Variants in FRY observed in about 807,000 individuals in gnomAD.
The protein encoded by FRY is FRY microtubule binding protein.
Under a neutral mutation model 348.4 loss-of-function variants are expected in FRY, and 128 were observed. The ratio of observed to expected loss-of-function variants is 0.37; its 90% confidence interval spans 0.32 to 0.43. The LOEUF (loss-of-function observed/expected upper bound fraction) is 0.43. Ranked by LOEUF, FRY falls within the 20% of genes least tolerant of loss-of-function variation. FRY has a pLI of 1.00. For synonymous variants in FRY, 1,370 were observed against 1,374.7 expected (o/e 1.00, Z 0.08); for missense variants, 2,736 against 3,695.2 (o/e 0.74, Z 6.73).
rs190667374 is a variant in FRY, at chr13:32,201,844, C to T, written c.3747-97C>T. 5.4e-5 allele frequency: 42 copies of T among 781,672 alleles called. 1 individual carries two copies. The highest frequency in any genetic ancestry group is 9.6e-5 in the South Asian group (7 of 72,552). The allele number at this position is 781,672 out of a possible 1,614,324, so 48.4% of individuals were successfully genotyped here. A position where few individuals can be genotyped will look rare whatever the true frequency, so the allele number is the denominator to read the frequency against. ...GGTAAGAATGTCACTAATAAGTGAC[C>T]GAGGTCAGCATGCCAGCTAGAATTT... On this transcript the variant is annotated intron_variant, in intron 29 of 60. Coordinates refer to ENST00000542859, the MANE Select transcript of FRY (RefSeq NM_023037.3).
chr13:32,114,067 C>T (rs891849714), intron 3 of FRY, among the ~76,000 whole-genome samples: 1 of 152,112 alleles, frequency 6.6e-6, no homozygotes, highest in Non-Finnish European at 1.5e-5. Context: ...ATGGGGGTTC[C>T]ACATACATGA....
intron 1 of FRY, among the ~76,000 whole-genome samples, chr13:32,048,238 G>A (rs1248746959): frequency 6.6e-6 from 1 of 152,130 alleles, no homozygotes; most frequent in Non-Finnish European, 1.5e-5. Context: ...CCCCTCAGTG[G>A]ATGAGCACCC....
chr13:32,133,764 C>CTTTTTTTT (rs1259372646), intron 8 of FRY, among the ~76,000 whole-genome samples: 34 of 108,462 alleles, frequency 3.1e-4, no homozygotes, highest in Non-Finnish European at 5.3e-4. Context: ...TTCTTTCTTT[C>CTTTTTTTT]TTTCTTTTTT....
intron 29 of FRY, among the ~76,000 whole-genome samples, chr13:32,194,854 C>T (rs1883579343): frequency 6.6e-6 from 1 of 152,130 alleles, no homozygotes; most frequent in African/African-American, 2.4e-5. Flanking sequence ...AAGTTCATAG[C>T]TACCAAGAAA....
intron 2 of FRY, chr13:32,086,030 G>A: frequency 1.9e-6 from 1 of 516,402 alleles, no homozygotes; most frequent in South Asian, 1.4e-5. Flanking sequence ...TGAAGACCTA[G>A]GCGGTAAAAC....
chr13:32,141,784 G>T (rs1474301905), intron 11 of FRY, among the ~76,000 whole-genome samples: 1 of 152,092 alleles, frequency 6.6e-6, no homozygotes, highest in African/African-American at 2.4e-5. Context: ...TTAATTAAAA[G>T]CAAAATTTAA....
chr13:32,069,150 C>T (rs987217155), intron 1 of FRY, among the ~76,000 whole-genome samples: 4 of 152,014 alleles, frequency 2.6e-5, no homozygotes, highest in African/African-American at 9.7e-5. Flanking sequence ...CTCCTGACCT[C>T]GTGATCCACC....
At chr13:32,105,605 G>T (rs188955049) in intron 3 of FRY, among the ~76,000 whole-genome samples, 88 of 152,318 alleles carry the variant, frequency 5.8e-4, no homozygotes, top group Non-Finnish European at 8.8e-5. Context: ...TGCCACAGAA[G>T]TCTGTCTATG....
intron 2 of FRY, among the ~76,000 whole-genome samples, chr13:32,096,742 G>A (rs1040957689): frequency 1.9e-4 from 28 of 146,030 alleles, no homozygotes; most frequent in Admixed American, 1.5e-3. Flanking sequence ...GGCAGAGGCG[G>A]CAGTGAGCTG....
At chr13:32,287,252 A>G (rs1308383899) in intron 58 of FRY, among the ~76,000 whole-genome samples, 2 of 152,172 alleles carry the variant, frequency 1.3e-5, no homozygotes, top group Non-Finnish European at 2.9e-5. Flanking sequence ...CATATCTCAC[A>G]CTTGTTTGAG....
intron 55 of FRY, among the ~76,000 whole-genome samples, chr13:32,272,015 A>T (rs1296534515): frequency 6.6e-6 from 1 of 152,210 alleles, no homozygotes; most frequent in African/African-American, 2.4e-5. Flanking sequence ...ATAATAATAT[A>T]ATAATTTTTT....
intron 57 of FRY, among the ~76,000 whole-genome samples, chr13:32,277,976 A>C (rs1186464901): frequency 2.0e-5 from 3 of 152,228 alleles, no homozygotes; most frequent in Non-Finnish European, 4.4e-5. Flanking sequence ...AGGATCTCTC[A>C]GTAGCTGAGC....
At chr13:32,212,514 C>T in intron 35 of FRY, 132 bp downstream of exon 35, 1 of 675,054 alleles carries the variant, frequency 1.5e-6, no homozygotes, top group Non-Finnish European at 2.7e-6. Context: ...TTTAGAAACT[C>T]AGACTTACTT....
intron 14 of FRY, among the ~76,000 whole-genome samples, chr13:32,152,934 A>C (rs1283474430): frequency 1.3e-5 from 2 of 152,140 alleles, no homozygotes; most frequent in Admixed American, 6.6e-5. Context: ...CCAATTTTTT[A>C]AATGGGCAGA....
At chr13:32,046,105 C>A (rs965941546) in intron 1 of FRY, among the ~76,000 whole-genome samples, 6 of 152,262 alleles carry the variant, frequency 3.9e-5, no homozygotes, top group Middle Eastern at 6.8e-3. Flanking sequence ...CCAAACAAGG[C>A]CCTTGTTTTA....
At chr13:32,140,883 G>C (rs1880022066) in intron 11 of FRY, among the ~76,000 whole-genome samples, 2 of 152,032 alleles carry the variant, frequency 1.3e-5, no homozygotes, top group African/African-American at 4.8e-5. Flanking sequence ...GAGACATTGA[G>C]TAATATATTA....
chr13:32,252,053 A>G (rs1050012409), intron 50 of FRY, 101 bp downstream of exon 50: 11 of 813,458 alleles, frequency 1.4e-5, no homozygotes, highest in Non-Finnish European at 2.4e-5. Context: ...TCAACTGTGA[A>G]TGACAAGTAT....
At chr13:32,158,874 C>T (rs2138171079) in intron 16 of FRY, among the ~76,000 whole-genome samples, 1 of 147,848 alleles carries the variant, frequency 6.8e-6, no homozygotes, top group Middle Eastern at 3.5e-3. Context: ...GCCAAGATTG[C>T]ACCACTGCAT....
intron 58 of FRY, among the ~76,000 whole-genome samples, chr13:32,289,122 T>C (rs1889213222): frequency 1.3e-5 from 2 of 152,228 alleles, no homozygotes; most frequent in Non-Finnish European, 2.9e-5. Context: ...TTATCTCTCT[T>C]TAATTCAACA....
Sources: gnomAD v4.1 joint callset for allele counts (sites outside exome capture counted in the v4.1 genomes callset) on GRCh38, gnomAD v4.1.1 for gene constraint, MANE v1.5 for transcripts, NCBI Gene and HGNC (gene_info 2026-07-23, HGNC 2026-07-21) for gene names.